Variants in CACNB4 observed in about 807,000 individuals in gnomAD.
CACNB4 encodes calcium voltage-gated channel auxiliary subunit beta 4, also known as voltage-dependent L-type calcium channel subunit beta-4.
A neutral mutation model predicts 71.2 loss-of-function variants in CACNB4; 32 were observed. The observed-to-expected ratio is 0.45, with a 90% CI of 0.34 to 0.60. The LOEUF (loss-of-function observed/expected upper bound fraction) is 0.60, where lower values mean the gene tolerates loss of function less well. Ranked by LOEUF, CACNB4 falls within the 20% of genes least tolerant of loss-of-function variation. CACNB4 has a pLI of 0.01. For missense variants in CACNB4, 464 were observed against 647.9 expected, an observed-to-expected ratio of 0.72 and a Z score of 3.08; for synonymous variants, 231 against 236.9, an observed-to-expected ratio of 0.97 and a Z score of 0.23.
chr2:152,074,495 G>A (rs1405230225), intron 2 of CACNB4, among the ~76,000 whole-genome samples: 3 of 141,140 alleles, frequency 2.1e-5, no homozygotes, highest in African/African-American at 5.4e-5. Flanking sequence ...CCTCCTCTCC[G>A]CCATCACCAC....
chr2:151,846,837 G>A (rs1356016405), intron 12 of CACNB4, among the ~76,000 whole-genome samples: 1 of 152,104 alleles, frequency 6.6e-6, no homozygotes, highest in Admixed American at 6.5e-5. Context: ...TTACAGGCAT[G>A]AGCCACTGTG....
At chr2:151,904,273 C>A (rs1578726202) in intron 2 of CACNB4, among the ~76,000 whole-genome samples, 1 of 152,308 alleles carries the variant, frequency 6.6e-6, no homozygotes, top group African/African-American at 2.4e-5. Flanking sequence ...CACTATTTAT[C>A]TGCTGAAATG....
intron 2 of CACNB4, among the ~76,000 whole-genome samples, chr2:151,957,018 T>G (rs1333068267): frequency 6.6e-6 from 1 of 151,956 alleles, no homozygotes; most frequent in Admixed American, 6.6e-5. Flanking sequence ...CTGGGCGTGG[T>G]GATGCATGCT....
intron 2 of CACNB4, among the ~76,000 whole-genome samples, chr2:151,885,414 AG>A (rs112301731): frequency 3.3e-5 from 5 of 152,318 alleles, no homozygotes; most frequent in African/African-American, 1.2e-4. Flanking sequence ...CAGGTAGTTC[AG>A]CCTTAGAGCC....
chr2:151,997,421 C>G (rs796450921), intron 2 of CACNB4, among the ~76,000 whole-genome samples: 84 of 152,200 alleles, frequency 5.5e-4, no homozygotes, highest in African/African-American at 2.0e-3. Flanking sequence ...CTAGTCCCAG[C>G]TGCTCAGGAG....
intron 11 of CACNB4, 105 bp downstream of exon 11, chr2:151,855,119 T>G: frequency 1.5e-6 from 1 of 664,812 alleles, no homozygotes; most frequent in Non-Finnish European, 2.5e-6. Flanking sequence ...TGCTTATTAA[T>G]AATCAGCAAG....
At chr2:151,909,447 A>C (rs2099855633) in intron 2 of CACNB4, among the ~76,000 whole-genome samples, 1 of 9,710 alleles carries the variant, frequency 1.0e-4, no homozygotes. Context: ...GGGAGGAAAA[A>C]AACAAAAAAA....
At chr2:151,870,003 G>T in intron 8 of CACNB4, 1 of 545,270 alleles carries the variant, frequency 1.8e-6, no homozygotes, top group Non-Finnish European at 3.2e-6. Context: ...ACATGGTTTT[G>T]TTTAATCTCC....
At chr2:152,005,998 G>A (rs567718061) in intron 2 of CACNB4, among the ~76,000 whole-genome samples, 2 of 152,266 alleles carry the variant, frequency 1.3e-5, no homozygotes, top group South Asian at 2.1e-4. Context: ...ACCTGTCTTT[G>A]TCATACCATA....
At chr2:152,026,962 A>G (rs1684013092) in intron 2 of CACNB4, among the ~76,000 whole-genome samples, 1 of 151,156 alleles carries the variant, frequency 6.6e-6, no homozygotes, top group African/African-American at 2.4e-5. Context: ...GCTGGAGTGC[A>G]GTGGTGTAAT....
chr2:151,881,691 G>T (rs2099847901), intron 3 of CACNB4, among the ~76,000 whole-genome samples: 1 of 152,186 alleles, frequency 6.6e-6, no homozygotes, highest in African/African-American at 2.4e-5. Context: ...GATATTCTGA[G>T]CTGCTTTGTT....
At chr2:151,889,192 G>A (rs1027710212) in intron 2 of CACNB4, among the ~76,000 whole-genome samples, 22 of 152,200 alleles carry the variant, frequency 1.4e-4, no homozygotes, top group African/African-American at 4.6e-4. Flanking sequence ...CATTTGGCCA[G>A]GTGTGGTGGC....
chr2:151,870,153 T>C, intron 8 of CACNB4: 1 of 634,718 alleles, frequency 1.6e-6, no homozygotes, highest in Admixed American at 2.4e-5. Context: ...GGTTTGGGTT[T>C]GCTGGAAGAT....
chr2:152,093,400 GGTGTGTGTGTGTGT>G (rs34845177), intron 2 of CACNB4, among the ~76,000 whole-genome samples: 4 of 146,558 alleles, frequency 2.7e-5, no homozygotes, highest in Non-Finnish European at 6.0e-5. Context: ...GCTGTTTTTT[GGTGTGTGTGTGTGT>G]GTGTGTGTGT....
At chr2:151,998,014 A>G (rs112209388) in intron 2 of CACNB4, among the ~76,000 whole-genome samples, 1,626 of 152,258 alleles carry the variant, frequency 0.011, 25 homozygotes, top group African/African-American at 0.037. Context: ...CCTTCCAGAA[A>G]TGAATGTTTA....
intron 2 of CACNB4, among the ~76,000 whole-genome samples, chr2:151,911,540 G>A (rs527888256): frequency 6.6e-6 from 1 of 152,272 alleles, no homozygotes; most frequent in South Asian, 2.1e-4. Flanking sequence ...TGATCATGGT[G>A]GATAAGTTTT....
At chr2:151,897,773 G>A (rs1212455959) in intron 2 of CACNB4, among the ~76,000 whole-genome samples, 2 of 152,058 alleles carry the variant, frequency 1.3e-5, no homozygotes, top group South Asian at 2.1e-4. Context: ...ATTCTTTCTG[G>A]GCTCAGTTTC....
chr2:151,886,875 A>C (rs981461562), intron 2 of CACNB4, among the ~76,000 whole-genome samples: 4 of 152,076 alleles, frequency 2.6e-5, no homozygotes, highest in Non-Finnish European at 5.9e-5. Flanking sequence ...GAAAAAAAGG[A>C]AGGAAAAGAT....
chr2:151,906,857 C>T (rs2099854948), intron 2 of CACNB4, among the ~76,000 whole-genome samples: 1 of 152,196 alleles, frequency 6.6e-6, no homozygotes, highest in Admixed American at 6.5e-5. Context: ...GTACATTCAT[C>T]CTAACTCCTA....
Sources: gnomAD v4.1 joint callset for allele counts (sites outside exome capture counted in the v4.1 genomes callset) on GRCh38, gnomAD v4.1.1 for gene constraint, MANE v1.5 for transcripts, NCBI Gene and HGNC (gene_info 2026-07-23, HGNC 2026-07-21) for gene names.